Variants in MTMR1 observed in about 807,000 individuals in gnomAD.
MTMR1 encodes phosphatidylinositol-3-phosphate phosphatase MTMR1.
MTMR1 carries 17 observed loss-of-function variants against 51.6 expected under a neutral mutation model. The ratio of observed to expected loss-of-function variants is 0.33; its 90% CI spans 0.23 to 0.49. MTMR1 has a LOEUF of 0.49. Ranked by LOEUF, MTMR1 falls within the 20% of genes least tolerant of loss-of-function variation. The pLI is 0.99. For missense variants in MTMR1, 386 were observed against 526.9 expected (o/e 0.73, Z 2.62); for synonymous variants, 201 against 205.6 (o/e 0.98, Z 0.19).
chrX:150,754,661 G>A (rs2042850450), intron 14 of MTMR1, among the ~76,000 whole-genome samples: 1 of 111,902 alleles, frequency 8.9e-6, no homozygotes, highest in Non-Finnish European at 1.9e-5. Context: ...ACAGCACATT[G>A]TCCTCCAGAT....
intron 3 of MTMR1, among the ~76,000 whole-genome samples, chrX:150,713,627 A>G (rs2041388381): frequency 8.9e-6 from 1 of 111,782 alleles, no homozygotes; most frequent in Admixed American, 9.5e-5. Context: ...TAGAATTTTA[A>G]AAAGAGATTA....
chrX:150,722,574 C>T (rs1394163682), intron 4 of MTMR1, among the ~76,000 whole-genome samples: 2 of 111,158 alleles, frequency 1.8e-5, no homozygotes, highest in Middle Eastern at 4.7e-3. Flanking sequence ...CATGATATAC[C>T]TATTTTCATC....
intron 2 of MTMR1, among the ~76,000 whole-genome samples, chrX:150,708,749 G>GTTAC (rs1336817649): frequency 5.4e-5 from 6 of 110,890 alleles, no homozygotes; most frequent in Non-Finnish European, 1.1e-4. Context: ...ACTGAAAAAG[G>GTTAC]TTACTTATCC....
intron 2 of MTMR1, among the ~76,000 whole-genome samples, chrX:150,706,928 A>C (rs1227131846): frequency 9.0e-5 from 10 of 111,416 alleles, no homozygotes; most frequent in Non-Finnish European, 1.9e-4. Flanking sequence ...GAGAACCTAG[A>C]AGTCATCCCA....
chrX:150,728,931 T>C (rs2042025299), intron 6 of MTMR1, among the ~76,000 whole-genome samples: 1 of 109,800 alleles, frequency 9.1e-6, no homozygotes, highest in Non-Finnish European at 1.9e-5. Context: ...AAACTCACTT[T>C]AGTCACTCCC....
chrX:150,713,892 C>G (rs781878743), intron 3 of MTMR1, among the ~76,000 whole-genome samples: 9 of 98,472 alleles, frequency 9.1e-5, no homozygotes, highest in Admixed American at 2.2e-4. Context: ...CAATAAGAAA[C>G]AGACATGTAT....
At chrX:150,738,068 A>AAAAAC (rs782399653) in intron 12 of MTMR1, among the ~76,000 whole-genome samples, 3 of 111,859 alleles carry the variant, frequency 2.7e-5, no homozygotes, top group Non-Finnish European at 5.6e-5. Context: ...CTCCGTCTCA[A>AAAAAC]AAAACAAAAC....
At chrX:150,725,364 T>C (rs2041891721) in intron 4 of MTMR1, among the ~76,000 whole-genome samples, 2 of 112,372 alleles carry the variant, frequency 1.8e-5, no homozygotes, top group South Asian at 7.4e-4. Context: ...CTGATTTGGC[T>C]GTTGGCCTGG....
intron 14 of MTMR1, 40 bp from the exon 15 acceptor site, chrX:150,755,649 G>A (rs2042883970): frequency 9.7e-7 from 1 of 1,029,513 alleles, no homozygotes; most frequent in Non-Finnish European, 1.3e-6. Context: ...TTGATGATAT[G>A]AAGAAAAGTT....
Position 150,730,511 on chromosome X carries a change from GT to G in MTMR1, c.658-9del, listed in dbSNP as rs1557416952. Reference sequence around the variant, plus strand: ...GAAATAGTAACATATGTGTTTTGTGGTTTTTGTGTCCAGGCACTATTTGCAT... The same window carrying G: ...GAAATAGTAACATATGTGTTTTGTGGTTTTGTGTCCAGGCACTATTTGCAT... On this transcript the variant is annotated splice_polypyrimidine_tract_variant and intron_variant, in intron 7 of 15. Transcript: ENST00000445323. 6 of 1,120,463 alleles carry G rather than the reference GT, an allele frequency of 5.4e-6. No individual in the cohort carries two copies. The highest frequency in any genetic ancestry group is 6.0e-6 in the Non-Finnish European group (5 of 833,891). 92.3% of individuals were successfully genotyped at this position (1,120,463 alleles called of 1,213,427 possible). A position where few individuals can be genotyped will look rare whatever the true frequency, so the allele number is the denominator to read the frequency against.
intron 15 of MTMR1, among the ~76,000 whole-genome samples, chrX:150,761,937 G>C (rs2043147020): frequency 8.9e-6 from 1 of 112,351 alleles, no homozygotes; most frequent in African/African-American, 3.2e-5. Context: ...AAAGAGAAAA[G>C]CTAATTAAAG....
intron 14 of MTMR1, 182 bp downstream of exon 14, chrX:150,751,025 T>C (rs1557417583): frequency 8.6e-7 from 1 of 1,159,585 alleles, no homozygotes; most frequent in Non-Finnish European, 1.2e-6. Context: ...CCCCTTCCTT[T>C]CTAGGCATGG....
intron 1 of MTMR1, among the ~76,000 whole-genome samples, chrX:150,698,989 G>A (rs2040808188): frequency 8.9e-6 from 1 of 111,787 alleles, no homozygotes; most frequent in African/African-American, 3.3e-5. Flanking sequence ...GAGAAAATTG[G>A]GTGATTCATT....
chrX:150,744,424 G>A lies in MTMR1; in HGVS notation c.1537G>A (p.Val513Ile), dbSNP rs1557417398. 1 of 1,209,508 alleles carries A rather than the reference G, an allele frequency of 8.3e-7. No homozygotes were observed. Among genetic ancestry groups the A allele is most frequent in the African/African-American group, 1.7e-5 (1 of 57,269 alleles). ...CCGATCTCCCATATTTCTGCAGTTT[G>A]TTGATTGTGTTTGGCAAATGACAAG... ...ADRSPIFLQF[V>I]DCVWQMTRQF... is the part of the protein sequence containing the mutation. The change falls in exon 13 of 16, where the codon GTT becomes ATT. Residue 513 changes from valine (V) to isoleucine (I), a missense_variant. Val to Ile is a conservative substitution (Grantham distance 29). Coordinates refer to ENST00000445323, the MANE Select transcript of MTMR1 (RefSeq NM_001306144.3).
rs141888076 is a variant in MTMR1, at chrX:150,759,419, T to C, written c.1858-3146T>C. Among the ~76,000 whole-genome samples, 3 of 100,766 alleles carry C rather than the reference T, an allele frequency of 3.0e-5. No individual in the cohort carries two copies. In the East Asian group the frequency reaches 8.5e-4, roughly 28 times the overall value. The allele number at this position is 100,766 out of a possible 115,157, so 87.5% of individuals were successfully genotyped here. ...AAAGGCCCGGGTGGTTGGTGGAGTG[T>C]CATGAACATTAGCAGAAAATCCAAC... On this transcript the variant is annotated intron_variant, in intron 15 of 15. Transcript: ENST00000445323.
chrX:150,730,439 C>A, intron 7 of MTMR1, 86 bp from the exon 8 acceptor site: 1 of 643,096 alleles, frequency 1.6e-6, no homozygotes, highest in South Asian at 4.0e-5. Context: ...ATACACTCAG[C>A]TCATATTAGA....
chrX:150,731,441 C>A (rs1688328856), intron 8 of MTMR1, 29 bp from the exon 9 acceptor site: 1 of 1,135,235 alleles, frequency 8.8e-7, no homozygotes, highest in Admixed American at 2.6e-5. Context: ...TGCATTTCAC[C>A]CTCTTCTTCT....
rs987135217 is a variant in MTMR1, at chrX:150,707,680, A to T, written c.253-4662A>T. Among the ~76,000 whole-genome samples, 9 of 112,483 alleles carry T rather than the reference A, an allele frequency of 8.0e-5. No homozygotes were observed. In the Admixed American group the frequency reaches 8.4e-4, roughly 11 times the overall value. ...ACAGTCTGGCAGTTTCTTAAAAATG[A>T]AATGTGCACCTGCCATATGACCAAA... On this transcript the variant is annotated intron_variant, in intron 2 of 15. Coordinates refer to ENST00000445323, the MANE Select transcript of MTMR1 (RefSeq NM_001306144.3).
At position 150,735,373 on chromosome X, in the gene MTMR1, G is replaced by A. The variant is rs575476622; in HGVS notation, c.1081-1222G>A. On this transcript the variant is annotated intron_variant, in intron 10 of 15. Transcript: ENST00000445323. ...GTCCCCTTCATATACTCTTGGATTG[G>A]GTTTGCTAGTATTTTGTTGAGGATA... is the stretch of plus-strand genomic sequence containing the variant. 4.3e-4 allele frequency: 190 copies of A among 445,273 alleles called. No homozygotes were observed. In the South Asian group the frequency reaches 7.0e-3, roughly 16 times the overall value. The allele number at this position is 445,273 out of a possible 1,213,427, so 36.7% of individuals were successfully genotyped here.
Sources: allele counts gnomAD v4.1 joint callset (sites outside exome capture counted in the v4.1 genomes callset), GRCh38; gene constraint gnomAD v4.1.1; transcripts MANE v1.5; gene names NCBI Gene and HGNC (gene_info 2026-07-23, HGNC 2026-07-21).